OSBPL8: variants seen among roughly 807,000 people sequenced by gnomAD.
OSBPL8 encodes the protein oxysterol-binding protein-related protein 8.
OSBPL8 carries 59 observed loss-of-function variants against 125.5 expected under a neutral mutation model. The ratio of observed to expected loss-of-function variants is 0.47; its 90% CI spans 0.38 to 0.58. OSBPL8 has a LOEUF of 0.58. Ranked by LOEUF, OSBPL8 falls within the 20% of genes least tolerant of loss-of-function variation. The pLI is 0.00. For synonymous variants in OSBPL8, 330 were observed against 338.9 expected (o/e 0.97, Z 0.29); for missense variants, 758 against 1,047.8 (o/e 0.72, Z 3.82).
intron 9 of OSBPL8, among the ~76,000 whole-genome samples, chr12:76,393,876 T>C (rs901433433): frequency 6.6e-6 from 1 of 150,848 alleles, no homozygotes; most frequent in Non-Finnish European, 1.5e-5. Context: ...AAAAATTAGC[T>C]GGGCGTGGTG....
intron 15 of OSBPL8, among the ~76,000 whole-genome samples, chr12:76,382,263 T>C (rs576497486): frequency 1.3e-5 from 2 of 152,252 alleles, no homozygotes; most frequent in Non-Finnish European, 2.9e-5. Flanking sequence ...TTATACATTA[T>C]TTAAATTATT....
At chr12:76,550,317 C>A (rs561366078) in intron 1 of OSBPL8, among the ~76,000 whole-genome samples, 4 of 150,732 alleles carry the variant, frequency 2.7e-5, no homozygotes, top group Non-Finnish European at 5.9e-5. Context: ...TTTCTTCTGG[C>A]AGCCCAGGGA....
chr12:76,441,012 C>A (rs769759347), intron 4 of OSBPL8, among the ~76,000 whole-genome samples: 3 of 152,162 alleles, frequency 2.0e-5, no homozygotes, highest in Non-Finnish European at 4.4e-5. Context: ...TGAACATCTA[C>A]TTTGCTACGT....
At position 76,389,653 on chromosome 12, in the gene OSBPL8, G is replaced by C. The variant is rs747923909; in HGVS notation, c.1344C>G (p.Phe448Leu). Residue 448 changes from phenylalanine (F) to leucine (L), a missense_variant, in exon 12 of 24, where the codon TTC (phenylalanine) becomes TTG (leucine). By Grantham distance (22) the Phe-to-Leu change is conservative. Around this residue, in one of 3 missense-constraint regions of OSBPL8, gnomAD observed 572 missense variants for 762.0 expected, o/e 0.75. Coordinates refer to ENST00000261183, the MANE Select transcript of OSBPL8 (RefSeq NM_020841.5). ...KLSDYYYHAD[F>L]LSEAALEENP... ...AATAAGAATCTACTTACTCAGATAG[G>C]AAATCTGCATGATAGTAGTAATCTG... The C allele has an allele frequency of 5.4e-5, 84 of 1,566,330 alleles. 1 individual carries two copies. Among genetic ancestry groups the C allele is most frequent in the Middle Eastern group, 5.1e-4 (3 of 5,880 alleles).
intron 4 of OSBPL8, among the ~76,000 whole-genome samples, chr12:76,426,393 G>A (rs925619360): frequency 3.9e-5 from 6 of 152,080 alleles, no homozygotes; most frequent in South Asian, 2.1e-4. Context: ...AATTTAATTT[G>A]TCTGAAGTTT....
At chr12:76,448,270 C>T (rs911180075) in intron 4 of OSBPL8, among the ~76,000 whole-genome samples, 1 of 152,078 alleles carries the variant, frequency 6.6e-6, no homozygotes, top group Non-Finnish European at 1.5e-5. Flanking sequence ...CTTTTTTTAA[C>T]TTCCCTGTTT....
chr12:76,513,744 GTTTTT>G (rs35639287), intron 1 of OSBPL8, among the ~76,000 whole-genome samples: 1 of 105,336 alleles, frequency 9.5e-6, no homozygotes, highest in African/African-American at 3.9e-5. Flanking sequence ...TAACCCCTGG[GTTTTT>G]TTTTTTTTTT....
At chr12:76,536,005 TA>T (rs1950485938) in intron 1 of OSBPL8, among the ~76,000 whole-genome samples, 2 of 152,176 alleles carry the variant, frequency 1.3e-5, no homozygotes, top group Non-Finnish European at 2.9e-5. Context: ...ACTATGTACT[TA>T]AAATGGTTTC....
chr12:76,487,046 T>TTTA (rs1294998631), intron 2 of OSBPL8, among the ~76,000 whole-genome samples: 1 of 148,132 alleles, frequency 6.8e-6, no homozygotes, highest in African/African-American at 2.5e-5. Context: ...TTTTTTTTTT[T>TTTA]AGAGACCGAG....
intron 2 of OSBPL8, among the ~76,000 whole-genome samples, chr12:76,473,842 C>G (rs1876478253): frequency 6.6e-6 from 1 of 152,208 alleles, no homozygotes; most frequent in Non-Finnish European, 1.5e-5. Flanking sequence ...TGTATCCCAG[C>G]TCTGCTACTT....
intron 1 of OSBPL8, among the ~76,000 whole-genome samples, chr12:76,506,892 CTT>C (rs1880472959): frequency 6.6e-6 from 1 of 152,118 alleles, no homozygotes; most frequent in African/African-American, 2.4e-5. Context: ...TAAAAGCAAA[CTT>C]AATGGCAGTA....
At chr12:76,467,915 T>C (rs1565921203) in intron 2 of OSBPL8, among the ~76,000 whole-genome samples, 3 of 152,196 alleles carry the variant, frequency 2.0e-5, no homozygotes, top group Admixed American at 2.0e-4. Context: ...CTACCCAACA[T>C]TACCCATTCT....
rs1873306546 is a variant in OSBPL8 at position 76,450,840 on chromosome 12, C to T, written c.217+11G>A. ...AAAACAAGACAAAACATGAAAACCA[C>T]AACTTCCTACCCTGGCTATGAGGAC... On this transcript the variant is annotated intron_variant, in intron 4 of 23. Coordinates refer to ENST00000261183, the MANE Select transcript of OSBPL8 (RefSeq NM_020841.5). 6.3e-7 allele frequency: 1 copy of T among 1,594,266 alleles called. No homozygotes were observed. The highest frequency in any genetic ancestry group is 1.4e-5 in the African/African-American group (1 of 73,936).
intron 4 of OSBPL8, among the ~76,000 whole-genome samples, chr12:76,418,007 T>C (rs1287565302): frequency 1.4e-5 from 2 of 144,652 alleles, no homozygotes; most frequent in Non-Finnish European, 3.0e-5. Flanking sequence ...TGATTTTCAC[T>C]ACCTTTTTTT....
At chr12:76,491,905 A>T (rs1297405648) in intron 1 of OSBPL8, among the ~76,000 whole-genome samples, 1 of 152,162 alleles carries the variant, frequency 6.6e-6, no homozygotes, top group East Asian at 1.9e-4. Flanking sequence ...TACTTTGAAA[A>T]ATATTTTACT....
At chr12:76,468,309 T>A (rs1875708925) in intron 2 of OSBPL8, among the ~76,000 whole-genome samples, 1 of 152,146 alleles carries the variant, frequency 6.6e-6, no homozygotes, top group Non-Finnish European at 1.5e-5. Flanking sequence ...CAATTATCCA[T>A]CCCACAGAAA....
chr12:76,420,637 TTAAA>T (rs1869357358), intron 4 of OSBPL8, among the ~76,000 whole-genome samples: 1 of 152,052 alleles, frequency 6.6e-6, no homozygotes, highest in South Asian at 2.1e-4. Context: ...AAAGTTATCT[TTAAA>T]TATCACTAAT....
intron 19 of OSBPL8, chr12:76,371,186 C>T (rs1251841415): frequency 1.5e-5 from 4 of 262,630 alleles, no homozygotes; most frequent in Admixed American, 5.2e-5. Flanking sequence ...TAAACAAAAA[C>T]GTTCTTTCTT....
At chr12:76,473,596 C>G (rs1876441163) in intron 2 of OSBPL8, among the ~76,000 whole-genome samples, 1 of 152,124 alleles carries the variant, frequency 6.6e-6, no homozygotes, top group African/African-American at 2.4e-5. Context: ...TCAAAACATC[C>G]CAGATAACTC....
Sources: gnomAD v4.1 joint callset for allele counts (sites outside exome capture counted in the v4.1 genomes callset) on GRCh38, gnomAD v4.1.1 for gene constraint, gnomAD v4.1.1 regional missense constraint, MANE v1.5 for transcripts, NCBI Gene and HGNC (gene_info 2026-07-23, HGNC 2026-07-21) for gene names.